C17orf67: variants seen among roughly 807,000 people sequenced by gnomAD.
The protein encoded by C17orf67 is uncharacterized protein C17orf67.
Under a neutral mutation model 11.2 loss-of-function variants are expected in C17orf67, and 12 were observed. That is an observed-to-expected ratio of 1.07 (90% CI 0.68 to 1.73). C17orf67 has a LOEUF of 1.73. Ranked by LOEUF, C17orf67 falls within the 40% of genes most tolerant of loss-of-function variation. The probability of loss-of-function intolerance (pLI) is 0.00; values close to 1 mark genes in which losing one functional copy is unlikely to be tolerated. For synonymous variants in C17orf67, 59 were observed against 46.9 expected (o/e 1.26, Z -1.05); for missense variants, 115 against 113.5 (o/e 1.01, Z -0.06).
At chr17:56,817,443 A>AAT (rs1056010276) in intron 4 of C17orf67, among the ~76,000 whole-genome samples, 40 of 150,814 alleles carry the variant, frequency 2.7e-4, no homozygotes, top group Admixed American at 5.3e-4. Flanking sequence ...CATTTGCTCA[A>AAT]ATATATATAT....
At chr17:56,810,352 C>T (rs1905590384) in intron 6 of C17orf67, among the ~76,000 whole-genome samples, 1 of 148,874 alleles carries the variant, frequency 6.7e-6, no homozygotes, top group Non-Finnish European at 1.5e-5. Context: ...CACCCTCACA[C>T]ACACACCCCT....
At chr17:56,831,208 G>T (rs536448202) in intron 2 of C17orf67, among the ~76,000 whole-genome samples, 1 of 152,264 alleles carries the variant, frequency 6.6e-6, no homozygotes, top group South Asian at 2.1e-4. Context: ...AGTAGTGGAG[G>T]GGGGGATGGA....
chr17:56,798,472 T>C (rs1003688180), intron 6 of C17orf67, among the ~76,000 whole-genome samples: 3 of 152,214 alleles, frequency 2.0e-5, no homozygotes, highest in African/African-American at 7.2e-5. Flanking sequence ...TTGATGCACC[T>C]GCATTGACAC....
At chr17:56,825,403 T>C (rs1374839607) in intron 2 of C17orf67, 82 bp from the exon 3 acceptor site, 1 of 152,238 alleles carries the variant, frequency 6.6e-6, no homozygotes, top group African/African-American at 2.4e-5. Flanking sequence ...AATATTATTA[T>C]TACTTTTAGT....
chr17:56,813,135 C>G (rs535470986), intron 6 of C17orf67, among the ~76,000 whole-genome samples: 1 of 152,116 alleles, frequency 6.6e-6, no homozygotes, highest in Admixed American at 6.5e-5. Context: ...CAGCCCCTGC[C>G]GGGTCCCTGA....
chr17:56,803,449 T>C (rs890221714), intron 6 of C17orf67, among the ~76,000 whole-genome samples: 3 of 152,240 alleles, frequency 2.0e-5, no homozygotes, highest in African/African-American at 7.2e-5. Flanking sequence ...TTTATAATTA[T>C]ATACTCATTT....
chr17:56,805,290 A>G (rs1905418454), intron 6 of C17orf67, among the ~76,000 whole-genome samples: 1 of 152,204 alleles, frequency 6.6e-6, no homozygotes, highest in Non-Finnish European at 1.5e-5. Context: ...TACAACTACA[A>G]AAGCAGGTGC....
intron 6 of C17orf67, among the ~76,000 whole-genome samples, chr17:56,796,079 T>C (rs1386035446): frequency 6.6e-6 from 1 of 152,196 alleles, no homozygotes; most frequent in African/African-American, 2.4e-5. Flanking sequence ...CTTTAAAATA[T>C]AAAAATGTTA....
At chr17:56,831,344 G>C (rs1043910003) in intron 2 of C17orf67, among the ~76,000 whole-genome samples, 4 of 152,134 alleles carry the variant, frequency 2.6e-5, no homozygotes, top group African/African-American at 9.7e-5. Flanking sequence ...ATCTCCCTGA[G>C]GGGTGGTGTC....
intron 6 of C17orf67, among the ~76,000 whole-genome samples, chr17:56,798,060 A>T (rs751411596): frequency 2.0e-5 from 3 of 152,074 alleles, no homozygotes; most frequent in Non-Finnish European, 4.4e-5. Flanking sequence ...GTGGTTCATC[A>T]TATCTCTCTT....
At chr17:56,822,721 T>C (rs1268488973) in intron 4 of C17orf67, among the ~76,000 whole-genome samples, 1 of 152,218 alleles carries the variant, frequency 6.6e-6, no homozygotes, top group Non-Finnish European at 1.5e-5. Flanking sequence ...TTGAAATATA[T>C]ATATTAGAAA....
chr17:56,809,561 T>C (rs1597992296), intron 6 of C17orf67, among the ~76,000 whole-genome samples: 4 of 83,536 alleles, frequency 4.8e-5, no homozygotes, highest in Admixed American at 1.2e-4. Context: ...CCCTCACACA[T>C]ACACAGCCTC....
chr17:56,830,564 G>A (rs1056488765), intron 2 of C17orf67, among the ~76,000 whole-genome samples: 3 of 152,094 alleles, frequency 2.0e-5, no homozygotes, highest in African/African-American at 7.2e-5. Context: ...GGACAACATT[G>A]GGGAACCCCA....
chr17:56,810,982 G>A (rs1411943766), intron 6 of C17orf67, among the ~76,000 whole-genome samples: 3 of 152,222 alleles, frequency 2.0e-5, no homozygotes, highest in African/African-American at 4.8e-5. Flanking sequence ...ATGGTAAGTC[G>A]AGGATGTGGA....
intron 6 of C17orf67, among the ~76,000 whole-genome samples, chr17:56,797,773 G>A (rs763661232): frequency 2.0e-5 from 3 of 152,150 alleles, no homozygotes; most frequent in Non-Finnish European, 4.4e-5. Flanking sequence ...CAACAGGAAT[G>A]TCACTTCCAG....
chr17:56,811,659 A>G (rs1280173270), intron 6 of C17orf67, among the ~76,000 whole-genome samples: 1 of 152,170 alleles, frequency 6.6e-6, no homozygotes, highest in Non-Finnish European at 1.5e-5. Context: ...GGGCACCTTG[A>G]GTAAGGAAGA....
intron 7 of C17orf67, among the ~76,000 whole-genome samples, chr17:56,793,861 G>C (rs982447768): frequency 6.6e-6 from 1 of 152,202 alleles, no homozygotes; most frequent in Non-Finnish European, 1.5e-5. Context: ...ACCTAGAATA[G>C]AGCTCCAGCA....
intron 4 of C17orf67, among the ~76,000 whole-genome samples, chr17:56,819,785 G>T (rs529080185): frequency 2.0e-5 from 3 of 152,190 alleles, no homozygotes; most frequent in Admixed American, 6.5e-5. Context: ...AAGCCCCAGC[G>T]GGGTAACGAG....
intron 6 of C17orf67, among the ~76,000 whole-genome samples, chr17:56,809,665 TCACA>T (rs762308406): frequency 4.4e-5 from 5 of 114,230 alleles, no homozygotes; most frequent in African/African-American, 1.4e-4. Flanking sequence ...CACAGACTGC[TCACA>T]CACAGACCCT....
Sources: gnomAD v4.1 joint callset for allele counts (sites outside exome capture counted in the v4.1 genomes callset) on GRCh38, gnomAD v4.1.1 for gene constraint, MANE v1.5 for transcripts, NCBI Gene and HGNC (gene_info 2026-07-23, HGNC 2026-07-21) for gene names.